TM9SF4: variants seen among roughly 807,000 people sequenced by gnomAD.
TM9SF4 encodes the protein dinucleotide oxidase disulfide thiol exchanger 3 superfamily member 4.
In TM9SF4, 26 loss-of-function variants were observed where a neutral mutation model predicts 90.4. The observed-to-expected ratio is 0.29, with a 90% CI of 0.21 to 0.40. The LOEUF (loss-of-function observed/expected upper bound fraction) is 0.40. TM9SF4 is among the 10% of genes least tolerant of loss of function. The pLI is 1.00. For synonymous variants in TM9SF4, 293 were observed against 315.4 expected, an observed-to-expected ratio of 0.93 and a Z score of 0.75; for missense variants, 549 against 834.8, an observed-to-expected ratio of 0.66 and a Z score of 4.22.
intron 2 of TM9SF4, among the ~76,000 whole-genome samples, chr20:32,135,251 A>G (rs1237666710): frequency 1.3e-5 from 2 of 152,184 alleles, no homozygotes; most frequent in East Asian, 3.8e-4. Context: ...GAAAGAATAT[A>G]TCATAGTTTA....
intron 14 of TM9SF4, 53 bp from the exon 15 acceptor site, chr20:32,158,398 G>A: frequency 6.3e-7 from 1 of 1,586,350 alleles, no homozygotes; most frequent in Non-Finnish European, 8.7e-7. Flanking sequence ...AAGGAGCTTG[G>A]GGCTTCCTGG....
chr20:32,140,442 A>T (rs770690899), intron 3 of TM9SF4, among the ~76,000 whole-genome samples: 6 of 152,238 alleles, frequency 3.9e-5, no homozygotes, highest in Non-Finnish European at 7.3e-5. Context: ...GATAAATAGG[A>T]AACAGTCTTA....
At chr20:32,113,600 A>C (rs1050862778) in intron 1 of TM9SF4, among the ~76,000 whole-genome samples, 1 of 151,600 alleles carries the variant, frequency 6.6e-6, no homozygotes, top group African/African-American at 2.4e-5. Context: ...TTGGAGAATA[A>C]AACTCTACTT....
intron 9 of TM9SF4, among the ~76,000 whole-genome samples, chr20:32,148,662 GCTTTT>G (rs2046797605): frequency 7.3e-6 from 1 of 136,112 alleles, no homozygotes; most frequent in Non-Finnish European, 1.5e-5. Flanking sequence ...AAATATTACA[GCTTTT>G]TTTTTTTTTT....
chr20:32,123,581 T>G (rs1409042134), intron 1 of TM9SF4, among the ~76,000 whole-genome samples: 1 of 151,536 alleles, frequency 6.6e-6, no homozygotes, highest in Non-Finnish European at 1.5e-5. Context: ...CTTGGTCAAG[T>G]ATGTTAAATG....
chr20:32,132,954 C>T, intron 1 of TM9SF4, 59 bp from the exon 2 acceptor site: 2 of 1,500,650 alleles, frequency 1.3e-6, no homozygotes, highest in Non-Finnish European at 1.8e-6. Context: ...CTTGATCTGC[C>T]TCAGAGGATC....
At position 32,122,198 on chromosome 20, in the gene TM9SF4, G is replaced by A. The variant is rs565898597; in HGVS notation, c.16-10815G>A. 1.8e-3 allele frequency among the ~76,000 whole-genome samples: 251 copies of A among 139,308 alleles called. 2 individuals are homozygous for A. Among genetic ancestry groups the A allele is most frequent in the Admixed American group, 5.6e-3 (80 of 14,256 alleles). The allele number at this position is 139,308 out of a possible 152,430, so 91.4% of individuals were successfully genotyped here. A position where few individuals can be genotyped will look rare whatever the true frequency, so the allele number is the denominator to read the frequency against. ...CCTCCCGGACGGGGCGGCTGGCCGG[G>A]CCGGGGGCTGATGCCCCCACCTCCC... On this transcript the variant is annotated intron_variant, in intron 1 of 17. Transcript: ENST00000398022.
chr20:32,158,749 G>A (rs565382171), intron 15 of TM9SF4, among the ~76,000 whole-genome samples: 9 of 152,274 alleles, frequency 5.9e-5, no homozygotes, highest in Middle Eastern at 3.4e-3. Context: ...TTGGGAGGCC[G>A]AGGTGGGTGG....
chr20:32,115,806 GCTT>G (rs2046211113), intron 1 of TM9SF4, among the ~76,000 whole-genome samples: 5 of 106,310 alleles, frequency 4.7e-5, no homozygotes, highest in African/African-American at 1.8e-4. Flanking sequence ...ACCACTTTAA[GCTT>G]TTTTTTTTTT....
chr20:32,157,586 A>T (rs1600340147), intron 13 of TM9SF4, among the ~76,000 whole-genome samples: 2 of 152,196 alleles, frequency 1.3e-5, no homozygotes, highest in East Asian at 3.9e-4. Flanking sequence ...TGGGATGCTG[A>T]GGTGCCTTCT....
At chr20:32,149,843 T>TCCCAGC in intron 10 of TM9SF4, 77 bp downstream of exon 10, 1 of 1,576,396 alleles carries the variant, frequency 6.3e-7, no homozygotes, top group Non-Finnish European at 8.6e-7. Context: ...AGGGTGGGCT[T>TCCCAGC]CCCTCCCTGG....
At chr20:32,129,553 AC>A (rs1285406869) in intron 1 of TM9SF4, among the ~76,000 whole-genome samples, 2 of 151,736 alleles carry the variant, frequency 1.3e-5, no homozygotes, top group Non-Finnish European at 2.9e-5. Context: ...TAATAATTTA[AC>A]CCATTCCATT....
intron 3 of TM9SF4, among the ~76,000 whole-genome samples, chr20:32,139,909 C>A (rs1005317747): frequency 6.6e-6 from 1 of 152,218 alleles, no homozygotes; most frequent in Non-Finnish European, 1.5e-5. Flanking sequence ...TTTCAAGTAC[C>A]CCTTCCTCAG....
chr20:32,121,790 C>T (rs1333310605), intron 1 of TM9SF4, among the ~76,000 whole-genome samples: 2 of 150,786 alleles, frequency 1.3e-5, no homozygotes, highest in African/African-American at 4.9e-5. Flanking sequence ...CGGGCAGAGG[C>T]GCCCCTCACC....
rs182268427 is a variant in TM9SF4 at position 32,122,647 on chromosome 20, G to T, written c.16-10366G>T. ...AGAGGCGCTCCTCACTTCCCAGATG[G>T]GATGGCGGCCGGGCAGAGACGCTCC... On this transcript the variant is annotated intron_variant, in intron 1 of 17. Coordinates refer to ENST00000398022, the MANE Select transcript of TM9SF4 (RefSeq NM_014742.4). 9.7e-3 allele frequency among the ~76,000 whole-genome samples: 1,467 copies of T among 151,234 alleles called. 17 individuals carry two copies. Among genetic ancestry groups the T allele is most frequent in the African/African-American group, 0.034 (1,392 of 41,248 alleles).
chr20:32,131,502 G>GTGTGTC (rs1454778014), intron 1 of TM9SF4, among the ~76,000 whole-genome samples: 1 of 151,356 alleles, frequency 6.6e-6, no homozygotes, highest in Non-Finnish European at 1.5e-5. Flanking sequence ...GTGTGTGTGT[G>GTGTGTC]TGTGTGTTGG....
intron 14 of TM9SF4, 30 bp from the exon 15 acceptor site, chr20:32,158,421 T>G: frequency 6.2e-7 from 1 of 1,613,800 alleles, no homozygotes; most frequent in South Asian, 1.1e-5. Flanking sequence ...GCCTGGTCTC[T>G]AACAATGTCA....
At chr20:32,142,630 T>C (rs946941570) in intron 5 of TM9SF4, among the ~76,000 whole-genome samples, 2 of 152,066 alleles carry the variant, frequency 1.3e-5, no homozygotes, top group Admixed American at 6.6e-5. Context: ...TGGTGGGCTT[T>C]TGCTGAGTGG....
At chr20:32,152,028 A>T (rs1284412712) in intron 12 of TM9SF4, among the ~76,000 whole-genome samples, 35 of 139,568 alleles carry the variant, frequency 2.5e-4, no homozygotes, top group African/African-American at 6.8e-4. Context: ...CACCTGGCTA[A>T]TTTTTTTTTT....
Sources: allele counts gnomAD v4.1 joint callset (sites outside exome capture counted in the v4.1 genomes callset), GRCh38; gene constraint gnomAD v4.1.1; transcripts MANE v1.5; gene names NCBI Gene and HGNC (gene_info 2026-07-23, HGNC 2026-07-21).